Variants in PDGFD observed in about 807,000 individuals in gnomAD.
PDGFD encodes the protein platelet derived growth factor D, also known as platelet-derived growth factor D.
Under a neutral mutation model 44.7 loss-of-function variants are expected in PDGFD, and 30 were observed. That is an observed-to-expected ratio of 0.67 (90% CI 0.50 to 0.91). The LOEUF (loss-of-function observed/expected upper bound fraction) is 0.91. PDGFD is among the 40% of genes least tolerant of loss of function. The probability of loss-of-function intolerance (pLI) is 0.00; values close to 1 mark genes in which losing one functional copy is unlikely to be tolerated. For missense variants in PDGFD, 445 were observed against 457.8 expected (o/e 0.97, Z 0.25); for synonymous variants, 173 against 168.4 (o/e 1.03, Z -0.21).
intron 1 of PDGFD, among the ~76,000 whole-genome samples, chr11:104,031,438 T>C (rs1860123068): frequency 6.6e-6 from 1 of 152,158 alleles, no homozygotes; most frequent in South Asian, 2.1e-4. Context: ...AAAACCATAA[T>C]GAGATACAAT....
At chr11:104,034,566 A>G (rs1860187360) in intron 1 of PDGFD, among the ~76,000 whole-genome samples, 1 of 152,128 alleles carries the variant, frequency 6.6e-6, no homozygotes, top group Non-Finnish European at 1.5e-5. Context: ...GGCAGAGGAT[A>G]TCGACTATCT....
intron 1 of PDGFD, among the ~76,000 whole-genome samples, chr11:104,068,280 A>C (rs1476093929): frequency 6.6e-6 from 1 of 152,112 alleles, no homozygotes; most frequent in Non-Finnish European, 1.5e-5. Flanking sequence ...CTCATAAAAA[A>C]CCACCAAATT....
intron 3 of PDGFD, among the ~76,000 whole-genome samples, chr11:103,968,164 A>G (rs961172132): frequency 6.6e-6 from 1 of 151,744 alleles, no homozygotes; most frequent in East Asian, 1.9e-4. Flanking sequence ...TTATCTCTCT[A>G]TGTCTTCTCT....
chr11:103,935,252 A>G (rs186168058), intron 5 of PDGFD, among the ~76,000 whole-genome samples: 1 of 152,304 alleles, frequency 6.6e-6, no homozygotes, highest in East Asian at 1.9e-4. Context: ...TCTAGGATGA[A>G]AGCAGAGGTG....
At chr11:104,096,912 G>A (rs1182193923) in intron 1 of PDGFD, among the ~76,000 whole-genome samples, 1 of 152,142 alleles carries the variant, frequency 6.6e-6, no homozygotes, top group African/African-American at 2.4e-5. Context: ...TGGATTATAT[G>A]GTTAGGGCTT....
intron 3 of PDGFD, among the ~76,000 whole-genome samples, chr11:103,956,480 G>T (rs1382356853): frequency 1.8e-5 from 2 of 110,610 alleles, no homozygotes; most frequent in Admixed American, 7.8e-5. Context: ...ATTTGGGTTG[G>T]TTCCAAGTCT....
intron 1 of PDGFD, among the ~76,000 whole-genome samples, chr11:104,051,806 CT>C (rs373050828): frequency 4.0e-5 from 6 of 151,832 alleles, no homozygotes; most frequent in Non-Finnish European, 8.8e-5. Flanking sequence ...AACCACTGTG[CT>C]TTTTTTGACT....
intron 6 of PDGFD, 81 bp downstream of exon 6, chr11:103,926,831 C>G: frequency 7.0e-7 from 1 of 1,423,138 alleles, no homozygotes; most frequent in Non-Finnish European, 9.6e-7. Flanking sequence ...AGTGAACAAC[C>G]TGAACAACTG....
chr11:104,117,914 C>G (rs1861665446), intron 1 of PDGFD, among the ~76,000 whole-genome samples: 1 of 151,938 alleles, frequency 6.6e-6, no homozygotes, highest in Non-Finnish European at 1.5e-5. Flanking sequence ...AAAAAAGAGC[C>G]TGCAGAGCCA....
At chr11:103,963,315 T>C (rs1029132416) in intron 3 of PDGFD, among the ~76,000 whole-genome samples, 3 of 152,168 alleles carry the variant, frequency 2.0e-5, no homozygotes, top group Non-Finnish European at 4.4e-5. Flanking sequence ...TCCCTATCAC[T>C]ATATGAGCTG....
At chr11:103,994,151 C>A (rs1021168728) in intron 3 of PDGFD, among the ~76,000 whole-genome samples, 1 of 152,154 alleles carries the variant, frequency 6.6e-6, no homozygotes, top group African/African-American at 2.4e-5. Flanking sequence ...GGTTATTTTG[C>A]CTTAAAGACA....
rs7123572 is a variant in PDGFD, at chr11:103,936,929, T to C, written c.772+6523A>G. Among the ~76,000 whole-genome samples, 1,323 of 151,942 alleles carry C rather than the reference T, an allele frequency of 8.7e-3. 18 individuals carry two copies. Among genetic ancestry groups the C allele is most frequent in the African/African-American group, 0.03 (1,263 of 41,454 alleles). ...TAGCCTTGAACTACCCGGGCTCAAG[T>C]GATCCTCCCACCTCAGCCTCCTGAG... On this transcript the variant is annotated intron_variant, in intron 5 of 6. Transcript: ENST00000393158.
chr11:104,025,934 T>C (rs1365319491), intron 1 of PDGFD, among the ~76,000 whole-genome samples: 1 of 152,224 alleles, frequency 6.6e-6, no homozygotes, highest in Non-Finnish European at 1.5e-5. Context: ...CCCACATATC[T>C]GTTAGGCACC....
chr11:104,118,677 C>A (rs1861676767), intron 1 of PDGFD, among the ~76,000 whole-genome samples: 1 of 141,180 alleles, frequency 7.1e-6, no homozygotes, highest in Non-Finnish European at 1.5e-5. Flanking sequence ...GTATTTAATG[C>A]TATACTCACC....
intron 1 of PDGFD, among the ~76,000 whole-genome samples, chr11:104,082,643 G>A (rs1161057811): frequency 6.6e-6 from 1 of 151,386 alleles, no homozygotes; most frequent in African/African-American, 2.4e-5. Flanking sequence ...TTTTTGTTTT[G>A]TTTTTAGTGA....
intron 6 of PDGFD, among the ~76,000 whole-genome samples, chr11:103,918,777 C>A (rs1344670063): frequency 6.6e-6 from 1 of 152,090 alleles, no homozygotes; most frequent in African/African-American, 2.4e-5. Flanking sequence ...TCAAAGCTTT[C>A]AGATCATGTA....
chr11:104,029,030 C>T (rs776536444), intron 1 of PDGFD, among the ~76,000 whole-genome samples: 19 of 152,094 alleles, frequency 1.2e-4, no homozygotes, highest in Non-Finnish European at 2.4e-4. Context: ...TTTATCAATA[C>T]ATAAGTAAAC....
intron 3 of PDGFD, among the ~76,000 whole-genome samples, chr11:103,989,279 T>C (rs1263684285): frequency 6.6e-6 from 1 of 152,206 alleles, no homozygotes; most frequent in African/African-American, 2.4e-5. Context: ...ATTTGTGAAA[T>C]AGTGAATAAG....
intron 3 of PDGFD, among the ~76,000 whole-genome samples, chr11:103,966,480 C>T (rs571855939): frequency 6.6e-6 from 1 of 152,222 alleles, no homozygotes; most frequent in East Asian, 1.9e-4. Context: ...CAACAAAAAG[C>T]ACCATAAACT....
Sources: gnomAD v4.1 joint callset for allele counts (sites outside exome capture counted in the v4.1 genomes callset) on GRCh38, gnomAD v4.1.1 for gene constraint, MANE v1.5 for transcripts, NCBI Gene and HGNC (gene_info 2026-07-23, HGNC 2026-07-21) for gene names.